Variants in DGKK observed in about 807,000 individuals in gnomAD.
The protein encoded by DGKK is 142 kDa diacylglycerol kinase.
A neutral mutation model predicts 92.2 loss-of-function variants in DGKK; 35 were observed. That is an observed-to-expected ratio of 0.38 (90% CI 0.29 to 0.50). The LOEUF is 0.50. Ranked by LOEUF, DGKK falls within the 20% of genes least tolerant of loss-of-function variation. DGKK has a pLI of 0.92. For missense variants in DGKK, 910 were observed against 992.2 expected (o/e 0.92, Z 1.11); for synonymous variants, 368 against 360.6 (o/e 1.02, Z -0.23).
chrX:50,426,288 T>C (rs1419637221), intron 1 of DGKK, among the ~76,000 whole-genome samples: 1 of 111,925 alleles, frequency 8.9e-6, no homozygotes, highest in Non-Finnish European at 1.9e-5. Context: ...TTTACACTAC[T>C]ACATTCTCTT....
intron 18 of DGKK, among the ~76,000 whole-genome samples, chrX:50,380,695 G>A (rs900598631): frequency 2.7e-5 from 3 of 111,162 alleles, no homozygotes; most frequent in African/African-American, 9.8e-5. Flanking sequence ...ACAGCGTCTT[G>A]TTGACTGTGG....
At chrX:50,378,938 T>G (rs1557224131) in intron 20 of DGKK, among the ~76,000 whole-genome samples, 1 of 112,322 alleles carries the variant, frequency 8.9e-6, no homozygotes, top group Non-Finnish European at 1.9e-5. Context: ...CTTATTGGCC[T>G]TATGACCTTC....
rs1557234337 is a variant in DGKK at position 50,470,035 on chromosome X, T to C, written c.644A>G (p.Lys215Arg). The part of the protein sequence containing the change: ...PRTPMSWSRI[K>R]KILKEGPMLK... ...CGCTTCAGGGGGTCTTTTGCTTACC[T>C]TTATTCTGGACCACGACATTGGCGT... The change falls in exon 1 of 28, where the codon AAG (lysine) becomes AGG (arginine). Residue 215 changes from lysine to arginine, a missense_variant and splice_region_variant. Coordinates refer to ENST00000611977, the MANE Select transcript of DGKK (RefSeq NM_001013742.4). 8.3e-7 allele frequency: 1 copy of C among 1,199,354 alleles called. No individual in the cohort carries two copies. Among genetic ancestry groups the C allele is most frequent in the African/African-American group, 1.8e-5 (1 of 56,986 alleles).
intron 1 of DGKK, among the ~76,000 whole-genome samples, chrX:50,425,366 A>G (rs1925711696): frequency 9.0e-6 from 1 of 111,011 alleles, no homozygotes. Flanking sequence ...TTTAAAAAAA[A>G]TTAGAACATC....
At chrX:50,417,461 C>T (rs1432913507) in intron 4 of DGKK, among the ~76,000 whole-genome samples, 2 of 110,605 alleles carry the variant, frequency 1.8e-5, no homozygotes, top group Admixed American at 9.6e-5. Context: ...TCTGTTTCCA[C>T]GGTCAATGAT....
At chrX:50,396,226 G>A (rs1710843482) in intron 8 of DGKK, among the ~76,000 whole-genome samples, 1 of 111,643 alleles carries the variant, frequency 9.0e-6, no homozygotes, top group Admixed American at 9.6e-5. Flanking sequence ...AATGTGCATA[G>A]TATTAAAAGG....
intron 17 of DGKK, among the ~76,000 whole-genome samples, chrX:50,383,258 G>A: frequency 9.0e-6 from 1 of 110,904 alleles, no homozygotes; most frequent in South Asian, 3.9e-4. Context: ...ACTTAAATAG[G>A]CCATGGTGGA....
intron 15 of DGKK, among the ~76,000 whole-genome samples, chrX:50,385,421 G>A (rs1557224869): frequency 8.9e-6 from 1 of 112,056 alleles, no homozygotes. Flanking sequence ...ATAGCCACAA[G>A]CTACACCTCT....
At chrX:50,391,798 A>G (rs1273828051) in intron 10 of DGKK, among the ~76,000 whole-genome samples, 1 of 112,190 alleles carries the variant, frequency 8.9e-6, no homozygotes, top group African/African-American at 3.2e-5. Context: ...CCTACTAAGT[A>G]AAGGGAAAAG....
At chrX:50,387,747 T>C in intron 13 of DGKK, 94 bp from the exon 14 acceptor site, 1 of 572,126 alleles carries the variant, frequency 1.7e-6, no homozygotes, top group Non-Finnish European at 2.8e-6. Context: ...TCCTCCTCTC[T>C]CTCTTTCCTG....
At chrX:50,408,243 T>C (rs1393706937) in intron 4 of DGKK, among the ~76,000 whole-genome samples, 2 of 112,144 alleles carry the variant, frequency 1.8e-5, no homozygotes, top group Non-Finnish European at 3.8e-5. Context: ...TCCAGTGAGC[T>C]AAGAGAGTAG....
intron 1 of DGKK, among the ~76,000 whole-genome samples, chrX:50,466,322 A>G (rs1926909847): frequency 9.0e-6 from 1 of 111,521 alleles, no homozygotes; most frequent in Non-Finnish European, 1.9e-5. Context: ...ATCTGAATCT[A>G]TAATCCCAAA....
intron 15 of DGKK, 77 bp from the exon 16 acceptor site, chrX:50,384,901 T>C: frequency 1.5e-6 from 1 of 673,269 alleles, no homozygotes; most frequent in Admixed American, 2.7e-5. Flanking sequence ...GGAGGGAGGA[T>C]GGAAGGAAGG....
chrX:50,381,314 A>G (rs782601715), intron 18 of DGKK, among the ~76,000 whole-genome samples: 100 of 111,009 alleles, frequency 9.0e-4, no homozygotes, highest in African/African-American at 3.0e-3. Context: ...CTAAATTACA[A>G]AAAATTAGTC....
chrX:50,400,997 A>C, intron 8 of DGKK, 40 bp downstream of exon 8: 1 of 1,126,698 alleles, frequency 8.9e-7, no homozygotes, highest in Non-Finnish European at 1.2e-6. Flanking sequence ...CCTTCCCTAC[A>C]TGCCCAATGT....
intron 21 of DGKK, 85 bp from the exon 22 acceptor site, chrX:50,378,317 G>T: frequency 9.3e-7 from 1 of 1,076,899 alleles, no homozygotes; most frequent in Non-Finnish European, 1.3e-6. Flanking sequence ...TTATGGCCTT[G>T]AATGTGTATC....
intron 1 of DGKK, among the ~76,000 whole-genome samples, chrX:50,429,516 T>C (rs781991904): frequency 3.6e-5 from 4 of 111,043 alleles, no homozygotes; most frequent in African/African-American, 1.3e-4. Context: ...AAACCCCGTC[T>C]CTACTAAAAA....
rs782372309 is a variant in DGKK at position 50,403,638 on chromosome X, G to A, written c.1079-41C>T. ...GAGAAAAGATGGGTGTGAATCTGGT[G>A]ACAGTGAGGATTCTAATTCTCTTCC... On this transcript the variant is annotated intron_variant, in intron 5 of 27. Transcript: ENST00000611977. 12 of 1,049,972 alleles carry A rather than the reference G, an allele frequency of 1.1e-5. No individual in the cohort carries two copies. The East Asian group carries it at 3.0e-4, about 26-fold the overall frequency. The allele number at this position is 1,049,972 out of a possible 1,213,427, so 86.5% of individuals were successfully genotyped here.
chrX:50,422,441 C>T lies in DGKK; in HGVS notation c.837+5G>A. ...GCCCATTCAGTCATTCCCAATCTTA[C>T]TTACACAAAAACTGTGGCAAAGGTT... On this transcript the variant is annotated splice_donor_5th_base_variant and intron_variant, in intron 3 of 27. Coordinates refer to ENST00000611977, the MANE Select transcript of DGKK (RefSeq NM_001013742.4). The T allele has an allele frequency of 8.4e-7, 1 of 1,195,146 alleles. No homozygotes were observed. Among genetic ancestry groups the T allele is most frequent in the South Asian group, 1.9e-5 (1 of 53,836 alleles).
Sources: gnomAD v4.1 joint callset for allele counts (sites outside exome capture counted in the v4.1 genomes callset) on GRCh38, gnomAD v4.1.1 for gene constraint, MANE v1.5 for transcripts, NCBI Gene and HGNC (gene_info 2026-07-23, HGNC 2026-07-21) for gene names.